The following CYB5R4 variants were observed in gnomAD, a reference collection of about 807,000 sequenced individuals.
CYB5R4 encodes the protein cytochrome b5 reductase 4.
In CYB5R4, 55 loss-of-function variants were observed where a neutral mutation model predicts 70.2. The ratio of observed to expected loss-of-function variants is 0.78; its 90% CI spans 0.63 to 0.98. The LOEUF (loss-of-function observed/expected upper bound fraction) is 0.98, where lower values mean the gene tolerates loss of function less well. Among genes scored for constraint, CYB5R4 ranks in the 50% least tolerant of loss-of-function variants. The pLI is 0.00. For synonymous variants in CYB5R4, 197 were observed against 199.5 expected, an observed-to-expected ratio of 0.99 and a Z score of 0.11; for missense variants, 562 against 612.6, an observed-to-expected ratio of 0.92 and a Z score of 0.87.
intron 15 of CYB5R4, 107 bp downstream of exon 15, chr6:83,955,569 A>C (rs1214045611): frequency 9.4e-7 from 1 of 1,059,902 alleles, no homozygotes; most frequent in African/African-American, 1.6e-5. Flanking sequence ...CACTTTAATA[A>C]TCTTACAGTT....
At chr6:83,892,816 A>G (rs1033957204) in intron 2 of CYB5R4, among the ~76,000 whole-genome samples, 3 of 150,216 alleles carry the variant, frequency 2.0e-5, no homozygotes, top group Non-Finnish European at 4.4e-5. Flanking sequence ...TTATGTCTGT[A>G]GTAGTCACTT....
At chr6:83,897,281 G>T (rs1398375764) in intron 3 of CYB5R4, among the ~76,000 whole-genome samples, 1 of 152,112 alleles carries the variant, frequency 6.6e-6, no homozygotes, top group Non-Finnish European at 1.5e-5. Flanking sequence ...TGGTGTATAG[G>T]TGCCACATTT....
At chr6:83,888,480 G>T (rs534691300) in intron 2 of CYB5R4, among the ~76,000 whole-genome samples, 2 of 151,968 alleles carry the variant, frequency 1.3e-5, no homozygotes, top group Admixed American at 6.6e-5. Flanking sequence ...CATTATTATT[G>T]TATCTCTTAT....
chr6:83,876,686 C>A (rs141558239), intron 2 of CYB5R4, among the ~76,000 whole-genome samples: 46 of 152,208 alleles, frequency 3.0e-4, no homozygotes, highest in Non-Finnish European at 5.7e-4. Flanking sequence ...GAAAACCCCA[C>A]AATATGTTAC....
intron 5 of CYB5R4, among the ~76,000 whole-genome samples, chr6:83,916,168 C>T (rs949621109): frequency 6.6e-6 from 1 of 151,890 alleles, no homozygotes; most frequent in Admixed American, 6.6e-5. Context: ...CATTTGCTCA[C>T]CCATGAGATT....
intron 1 of CYB5R4, among the ~76,000 whole-genome samples, chr6:83,862,254 A>T (rs1165114725): frequency 6.6e-6 from 1 of 152,216 alleles, no homozygotes; most frequent in African/African-American, 2.4e-5. Context: ...CAGAATATGC[A>T]CTCAACATAT....
rs73477134 is a variant in CYB5R4 at position 83,906,297 on chromosome 6, T to G, written c.331-2712T>G. 6.1e-3 allele frequency among the ~76,000 whole-genome samples: 932 copies of G among 152,260 alleles called. 9 individuals are homozygous for G. Among genetic ancestry groups the G allele is most frequent in the African/African-American group, 0.021 (884 of 41,534 alleles). On this transcript the variant is annotated intron_variant, in intron 3 of 15. Transcript: ENST00000369681. ...ACCTAAACTCCTGGGGCAGTAGCCA[T>G]GCTTCTCTTGCACTTCAGTCTGGGT...
rs555193128 is a variant in CYB5R4 at position 83,863,173 on chromosome 6, A to G, written c.76-1002A>G. 2.6e-5 allele frequency among the ~76,000 whole-genome samples: 4 copies of G among 152,318 alleles called. No homozygotes were observed. In the South Asian group the frequency reaches 8.3e-4, roughly 32 times the overall value. On this transcript the variant is annotated intron_variant, in intron 1 of 15. Transcript: ENST00000369681. ...ATAAAACAAAACAAAATAAAAACCC[A>G]AACCATCCTGTTACTAAGTTCCCTA...
chr6:83,861,022 A>G (rs1441930055), intron 1 of CYB5R4, among the ~76,000 whole-genome samples: 1 of 152,224 alleles, frequency 6.6e-6, no homozygotes, highest in Non-Finnish European at 1.5e-5. Context: ...TCATCTAGCC[A>G]TCCAATCATG....
At chr6:83,882,191 T>C (rs1231020262) in intron 2 of CYB5R4, among the ~76,000 whole-genome samples, 2 of 152,178 alleles carry the variant, frequency 1.3e-5, no homozygotes, top group African/African-American at 4.8e-5. Flanking sequence ...TCTTATGGCA[T>C]TGAACTTGAG....
intron 14 of CYB5R4, among the ~76,000 whole-genome samples, chr6:83,948,190 T>C (rs2099470940): frequency 6.6e-6 from 1 of 152,118 alleles, no homozygotes; most frequent in African/African-American, 2.4e-5. Flanking sequence ...TATGCAGCCA[T>C]AAAAAAGGAT....
intron 14 of CYB5R4, among the ~76,000 whole-genome samples, chr6:83,942,618 T>C (rs35357015): frequency 0.2 from 30,205 of 151,940 alleles, 4,516 homozygotes; most frequent in African/African-American, 0.41. Context: ...GACAGAACCA[T>C]TCACTCCCCT....
At chr6:83,932,269 C>T (rs2099468275) in intron 10 of CYB5R4, among the ~76,000 whole-genome samples, 2 of 152,080 alleles carry the variant, frequency 1.3e-5, no homozygotes, top group Admixed American at 6.5e-5. Context: ...GAAATTATCT[C>T]AGTAGTGTTA....
At chr6:83,920,134 G>T (rs771497969) in intron 7 of CYB5R4, among the ~76,000 whole-genome samples, 1 of 152,154 alleles carries the variant, frequency 6.6e-6, no homozygotes, top group Non-Finnish European at 1.5e-5. Flanking sequence ...AGATAAATAT[G>T]CAGACAATTT....
intron 7 of CYB5R4, among the ~76,000 whole-genome samples, chr6:83,919,900 G>A (rs1368980210): frequency 1.3e-5 from 2 of 152,058 alleles, no homozygotes; most frequent in Admixed American, 6.6e-5. Context: ...CGCTGTGGCT[G>A]TGGCTTAGTA....
intron 3 of CYB5R4, among the ~76,000 whole-genome samples, chr6:83,905,572 A>G (rs1203433713): frequency 1.3e-5 from 2 of 152,046 alleles, no homozygotes; most frequent in Admixed American, 6.5e-5. Context: ...GCTGGTTACT[A>G]GGACCCCAGG....
chr6:83,940,247 G>A (rs751360248), intron 13 of CYB5R4, 41 bp downstream of exon 13: 1 of 1,547,002 alleles, frequency 6.5e-7, no homozygotes, highest in Non-Finnish European at 8.8e-7. Context: ...TTTTGAGGCT[G>A]TTATATTAGT....
At chr6:83,906,571 C>A (rs772390553) in intron 3 of CYB5R4, among the ~76,000 whole-genome samples, 5 of 152,186 alleles carry the variant, frequency 3.3e-5, no homozygotes, top group Non-Finnish European at 5.9e-5. Context: ...AGTTCTCCAA[C>A]CTGAGTCTTT....
intron 2 of CYB5R4, among the ~76,000 whole-genome samples, chr6:83,882,100 A>G (rs1406293625): frequency 6.6e-6 from 1 of 152,202 alleles, no homozygotes; most frequent in Non-Finnish European, 1.5e-5. Context: ...GATACTGGTG[A>G]ACAATCAAAA....
Sources: gnomAD v4.1 joint callset for allele counts (sites outside exome capture counted in the v4.1 genomes callset) on GRCh38, gnomAD v4.1.1 for gene constraint, MANE v1.5 for transcripts, NCBI Gene and HGNC (gene_info 2026-07-23, HGNC 2026-07-21) for gene names.